Variants in OTOF observed in about 807,000 individuals in gnomAD.
The protein encoded by OTOF is fer-1-like family member 2.
OTOF carries 218 observed loss-of-function variants against 236.8 expected under a neutral mutation model. The observed-to-expected ratio is 0.92, with a 90% confidence interval of 0.82 to 1.03. The LOEUF is 1.03. Ranked by LOEUF, OTOF falls within the 50% of genes least tolerant of loss-of-function variation. The pLI, the probability that OTOF is intolerant of heterozygous loss-of-function variation, is 0.00. For synonymous variants in OTOF, 1,041 were observed against 1,072.5 expected, an observed-to-expected ratio of 0.97 and a Z score of 0.57; for missense variants, 2,590 against 2,694.4, an observed-to-expected ratio of 0.96 and a Z score of 0.86.
rs778647395 is a variant in OTOF at position 26,465,849 on chromosome 2, G to A, written c.4629-7C>T. ...GGCCTCGATGTCAAAGGACCTGGTG[G>A]GGTGGAGTTAGGAGAAGGGCTTAAG... On this transcript the variant is annotated splice_region_variant and splice_polypyrimidine_tract_variant and intron_variant, in intron 37 of 46. Coordinates refer to ENST00000272371, the MANE Select transcript of OTOF (RefSeq NM_194248.3). 18 of 1,614,120 alleles carry A rather than the reference G, an allele frequency of 1.1e-5. 1 individual carries two copies. Among genetic ancestry groups the A allele is most frequent in the Non-Finnish European group, 1.4e-5 (17 of 1,180,050 alleles).
chr2:26,540,665 C>G (rs1390368341), intron 1 of OTOF, among the ~76,000 whole-genome samples: 2 of 150,384 alleles, frequency 1.3e-5, no homozygotes, highest in African/African-American at 4.9e-5. Context: ...GTGGCGGGGT[C>G]GTTGATGTCA....
chr2:26,478,856 GC>G (rs1402108904), intron 18 of OTOF, among the ~76,000 whole-genome samples: 4 of 152,150 alleles, frequency 2.6e-5, no homozygotes, highest in African/African-American at 9.7e-5. Context: ...CCGCCACCAA[GC>G]CCCGCTAATT....
chr2:26,481,712 A>G (rs568487410), intron 14 of OTOF, among the ~76,000 whole-genome samples: 1 of 151,756 alleles, frequency 6.6e-6, no homozygotes, highest in Admixed American at 6.6e-5. Context: ...GAGCAGTTCC[A>G]CCCCCTCAAA....
rs531505658 is a variant in OTOF, at chr2:26,552,773, G to T, written c.79+5720C>A. Among the ~76,000 whole-genome samples, 3 of 152,238 alleles carry T rather than the reference G, an allele frequency of 2.0e-5. No homozygotes were observed. The East Asian group carries it at 5.8e-4, about 29-fold the overall frequency. On this transcript the variant is annotated intron_variant, in intron 1 of 46. Coordinates refer to ENST00000272371, the MANE Select transcript of OTOF (RefSeq NM_194248.3). ...CTGTGAAGAATGGAGGATGCAGGGG[G>T]CATATCCGTTAGGACTAAAACAAAA...
chr2:26,502,171 G>A (rs1467060726), intron 7 of OTOF, 129 bp downstream of exon 7: 1 of 970,018 alleles, frequency 1.0e-6, no homozygotes, highest in Non-Finnish European at 1.6e-6. Flanking sequence ...GCAGAAAAGG[G>A]TAAGGTTAGG....
chr2:26,479,214 G>C, intron 18 of OTOF, 50 bp downstream of exon 18: 1 of 1,603,456 alleles, frequency 6.2e-7, no homozygotes, highest in Non-Finnish European at 8.5e-7. Flanking sequence ...CTCTGACAGC[G>C]CCGTCTCCCC....
At position 26,460,128 on chromosome 2, in the gene OTOF, C is replaced by T. The variant is rs2148016673; in HGVS notation, c.5891G>A (p.Trp1964Ter). ...ARYFLWHTYR[W>*]LLLKLLLLLL... ...GAGCAGCAACAGTTTGAGGAGCAGC[C>T]AGCGATACGTGTGCCACAAGAAGTA... Residue 1964 changes from tryptophan to a stop codon, truncating the protein, a stop_gained, in exon 46 of 47, where the codon TGG becomes TAG. Coordinates refer to ENST00000272371, the MANE Select transcript of OTOF (RefSeq NM_194248.3). LOFTEE classifies it high-confidence loss of function. This position sits in a 1 kb window ranked among gnomAD's most constrained non-coding sequence, Gnocchi z 5.3. 1.9e-6 allele frequency: 3 copies of T among 1,597,540 alleles called. No homozygotes were observed. The highest frequency in any genetic ancestry group is 2.6e-6 in the Non-Finnish European group (3 of 1,172,444).
rs761338416 is a variant in OTOF at position 26,467,048 on chromosome 2, G to T, written c.4362+51C>A. The T allele has an allele frequency of 1.4e-4, 230 of 1,607,410 alleles. 2 individuals carry two copies. In the South Asian group the frequency reaches 2.0e-3, roughly 14 times the overall value. On this transcript the variant is annotated intron_variant, in intron 35 of 46. Transcript: ENST00000272371. The stretch of plus-strand genomic sequence containing the variant: ...GGAGGTGAGTGGGGGAACCTGTGGG[G>T]GGGGCAAGGGCTGGCGGGTGCTCAG...
chr2:26,525,142 G>A (rs533239337), intron 3 of OTOF, among the ~76,000 whole-genome samples: 10 of 152,354 alleles, frequency 6.6e-5, no homozygotes, highest in Non-Finnish European at 1.5e-4. Flanking sequence ...GGTGCCAAAA[G>A]CAGCTGCCTG....
In OTOF at chr2:26,462,288, A is replaced by G. The variant is rs1328760409; in HGVS notation, c.5193-107T>C. ...AGAGAAGCCCTGGGGTCTTGGGGTC[A>G]GCACAGGGCCTGGGCCAGGCTGGGG... On this transcript the variant is annotated intron_variant, in intron 41 of 46. Coordinates refer to ENST00000272371, the MANE Select transcript of OTOF (RefSeq NM_194248.3). This position sits in a 1 kb window ranked among gnomAD's most constrained non-coding sequence, Gnocchi z 4.7. 3 of 971,822 alleles carry G rather than the reference A, an allele frequency of 3.1e-6. No individual in the cohort carries two copies. The highest frequency in any genetic ancestry group is 3.3e-6 in the Non-Finnish European group (2 of 603,958). 60.2% of individuals were successfully genotyped at this position (971,822 alleles called of 1,614,324 possible). A position where few individuals can be genotyped will look rare whatever the true frequency, so the allele number is the denominator to read the frequency against.
chr2:26,497,584 G>C (rs190214420), intron 8 of OTOF, among the ~76,000 whole-genome samples: 1 of 151,694 alleles, frequency 6.6e-6, no homozygotes, highest in African/African-American at 2.4e-5. Context: ...ATAACCTGAG[G>C]GTGATTAAAA....
At chr2:26,476,092 C>T in intron 23 of OTOF, 36 bp downstream of exon 23, 1 of 1,611,748 alleles carries the variant, frequency 6.2e-7, no homozygotes, top group South Asian at 1.1e-5. Flanking sequence ...CCGGCCCCCT[C>T]CCAGGTGAGG....
intron 5 of OTOF, among the ~76,000 whole-genome samples, 155 bp downstream of exon 5, chr2:26,516,263 G>A (rs1666521060): frequency 6.6e-6 from 1 of 152,178 alleles, no homozygotes; most frequent in Non-Finnish European, 1.5e-5. Context: ...GGGGGCTACA[G>A]AAACATCTTC....
In OTOF at chr2:26,460,184, G is replaced by C. The variant is rs1664394730; in HGVS notation, c.5835C>G (p.Ile1945Met). Residue 1945 changes from isoleucine (I) to methionine (M), a missense_variant, in exon 46 of 47, where the codon ATC (isoleucine) becomes ATG (methionine). Coordinates refer to ENST00000272371, the MANE Select transcript of OTOF (RefSeq NM_194248.3). The surrounding 1 kb of genome is among the most constrained non-coding windows in gnomAD (Gnocchi z 5.3). ...CCGACTTGAGAGGGTTCAGGAACCA[G>C]ATGAAGCTCGTGTCGGGCCGGCTGG... Reference protein sequence around the residue: ...EKPNRPDTSFIWFLNPLKSAR... With the variant: ...EKPNRPDTSFMWFLNPLKSAR... The C allele has an allele frequency of 1.2e-6, 2 of 1,605,006 alleles. No individual in the cohort carries two copies. The highest frequency in any genetic ancestry group is 1.7e-5 in the Admixed American group (1 of 59,012).
At chr2:26,529,164 G>T (rs2148114209) in intron 2 of OTOF, among the ~76,000 whole-genome samples, 1 of 152,314 alleles carries the variant, frequency 6.6e-6, no homozygotes, top group South Asian at 2.1e-4. Flanking sequence ...GGGGTGAACA[G>T]GATGCCAGAC....
rs376022680 is a variant in OTOF at position 26,460,006 on chromosome 2, A to T, written c.*17+2T>A. 9.6e-6 allele frequency: 15 copies of T among 1,559,074 alleles called. No individual in the cohort carries two copies. The highest frequency in any genetic ancestry group is 1.3e-5 in the Non-Finnish European group (15 of 1,151,656). On this transcript the variant is annotated splice_donor_variant, in intron 46 of 46. Transcript: ENST00000272371. LOFTEE classifies it low-confidence loss of function (3UTR_SPLICE). This position sits in a 1 kb window ranked among gnomAD's most constrained non-coding sequence, Gnocchi z 5.3. Reference sequence around the variant, plus strand: ...CAGAGGAAGAAGTAAGAAATATCAGACCCAGGAGGCCACTGGGCTCAGGCC... The same window carrying T: ...CAGAGGAAGAAGTAAGAAATATCAGTCCCAGGAGGCCACTGGGCTCAGGCC...
At chr2:26,505,104 C>G (rs1258176306) in intron 5 of OTOF, among the ~76,000 whole-genome samples, 1 of 152,184 alleles carries the variant, frequency 6.6e-6, no homozygotes. Flanking sequence ...CCAAACCTGG[C>G]CCTATCCCAA....
intron 1 of OTOF, among the ~76,000 whole-genome samples, chr2:26,543,341 G>C (rs1178108619): frequency 6.6e-6 from 1 of 152,182 alleles, no homozygotes; most frequent in Non-Finnish European, 1.5e-5. Flanking sequence ...CCAACCCCTT[G>C]GGGTCTCAGA....
chr2:26,467,538 A>G (rs1337299470), intron 33 of OTOF, 37 bp from the exon 34 acceptor site: 1 of 1,606,260 alleles, frequency 6.2e-7, no homozygotes, highest in East Asian at 2.2e-5. Context: ...AGCAGAAATG[A>G]GCAGAGCAGG....
Sources: allele counts gnomAD v4.1 joint callset (sites outside exome capture counted in the v4.1 genomes callset), GRCh38; gene constraint gnomAD v4.1.1; non-coding constraint Gnocchi (gnomAD v3.1); transcripts MANE v1.5; gene names NCBI Gene and HGNC (gene_info 2026-07-23, HGNC 2026-07-21).